Variants in EDA observed in about 807,000 individuals in gnomAD.
EDA encodes the protein ectodysplasin-A.
In EDA, 2 loss-of-function variants were observed where a neutral mutation model predicts 23.6. The observed-to-expected ratio is 0.08, with a 90% CI of 0.03 to 0.27. The LOEUF (loss-of-function observed/expected upper bound fraction) is 0.27. Ranked by LOEUF, EDA falls within the 10% of genes least tolerant of loss-of-function variation. The probability of loss-of-function intolerance (pLI) is 1.00; values close to 1 mark genes in which losing one functional copy is unlikely to be tolerated. For missense variants in EDA, 229 were observed against 324.2 expected (o/e 0.71, Z 2.26); for synonymous variants, 131 against 132.0 (o/e 0.99, Z 0.05).
chrX:69,752,685 C>T (rs1323117595), intron 1 of EDA, among the ~76,000 whole-genome samples: 1 of 111,512 alleles, frequency 9.0e-6, no homozygotes, highest in Non-Finnish European at 1.9e-5. Context: ...TGGTAGAATT[C>T]GGCTGTGAAT....
chrX:69,676,850 T>C (rs1240921762), intron 1 of EDA, among the ~76,000 whole-genome samples: 2 of 110,500 alleles, frequency 1.8e-5, no homozygotes, highest in African/African-American at 6.6e-5. Context: ...TATTACACTT[T>C]AAGTTTTAGG....
chrX:69,894,413 A>T (rs918146718), intron 1 of EDA, among the ~76,000 whole-genome samples: 2 of 111,682 alleles, frequency 1.8e-5, no homozygotes, highest in African/African-American at 6.5e-5. Context: ...CCAAACGAAT[A>T]TTTAAATTAT....
At chrX:69,768,286 A>AT (rs1195795290) in intron 1 of EDA, among the ~76,000 whole-genome samples, 2 of 111,644 alleles carry the variant, frequency 1.8e-5, no homozygotes, top group African/African-American at 6.5e-5. Flanking sequence ...GTACATTGAG[A>AT]TTTTCTTCTG....
chrX:69,977,031 G>T (rs192685378), intron 2 of EDA, among the ~76,000 whole-genome samples: 1 of 111,831 alleles, frequency 8.9e-6, no homozygotes. Flanking sequence ...TCAATGAAAT[G>T]AATCCTTCAT....
intron 1 of EDA, among the ~76,000 whole-genome samples, chrX:69,623,661 T>C (rs1932272679): frequency 9.6e-6 from 1 of 104,107 alleles, no homozygotes; most frequent in South Asian, 4.2e-4. Flanking sequence ...GGTATTTTCT[T>C]TTTTTTCTTT....
intron 1 of EDA, among the ~76,000 whole-genome samples, chrX:69,731,772 G>T (rs2013039051): frequency 9.0e-6 from 1 of 111,523 alleles, no homozygotes; most frequent in South Asian, 3.7e-4. Flanking sequence ...TACTATAAAT[G>T]TCCCCTAAGC....
rs1189179243 is a variant in EDA, at chrX:69,764,234, C to CTTTTTTTTTTTT, written c.396+147545_396+147556dup. 1.3e-4 allele frequency among the ~76,000 whole-genome samples: 6 copies of CTTTTTTTTTTTT among 44,569 alleles called. 1 individual carries two copies. The highest frequency in any genetic ancestry group is 3.0e-4 in the African/African-American group (3 of 10,145). 38.7% of individuals were successfully genotyped at this position (44,569 alleles called of 115,157 possible). A position where few individuals can be genotyped will look rare whatever the true frequency, so the allele number is the denominator to read the frequency against. ...CTACCACTCCCATTCATTTTTTATT[C>CTTTTTTTTTTTT]TTTTTTTTTTTTTTTTTTTTTTTTT... On this transcript the variant is annotated intron_variant, in intron 1 of 7. Transcript: ENST00000374552.
chrX:69,706,196 G>T (rs1047444236), intron 1 of EDA, among the ~76,000 whole-genome samples: 1 of 111,581 alleles, frequency 9.0e-6, no homozygotes, highest in Non-Finnish European at 1.9e-5. Flanking sequence ...GTTCAGAGTG[G>T]TTCCCATTAA....
chrX:69,788,856 C>T (rs1418620607), intron 1 of EDA, among the ~76,000 whole-genome samples: 1 of 113,271 alleles, frequency 8.8e-6, no homozygotes, highest in Non-Finnish European at 1.9e-5. Flanking sequence ...TTTACCTAAG[C>T]AAGCCTGGGC....
intron 1 of EDA, among the ~76,000 whole-genome samples, chrX:69,796,873 TATC>T (rs1404267410): frequency 9.0e-6 from 1 of 110,792 alleles, no homozygotes. Context: ...CAGAGATAGA[TATC>T]ATAAAAAAGA....
intron 1 of EDA, among the ~76,000 whole-genome samples, chrX:69,682,299 G>T (rs966460574): frequency 8.9e-6 from 1 of 112,629 alleles, no homozygotes; most frequent in Admixed American, 9.3e-5. Context: ...GCCCCCAGAG[G>T]TGGAGCCTAC....
At chrX:69,802,776 T>C (rs1053327206) in intron 1 of EDA, among the ~76,000 whole-genome samples, 1 of 111,681 alleles carries the variant, frequency 9.0e-6, no homozygotes, top group African/African-American at 3.2e-5. Flanking sequence ...GTCTGCACAG[T>C]TTTTCAGTTT....
chrX:69,785,703 TA>T (rs2015138216), intron 1 of EDA, among the ~76,000 whole-genome samples: 1 of 107,548 alleles, frequency 9.3e-6, no homozygotes, highest in Non-Finnish European at 2.0e-5. Flanking sequence ...GCCAGTATTT[TA>T]TTGAGGATTT....
rs5936720 is a variant in EDA at position 69,669,904 on chromosome X, A to C, written c.396+53200A>C. Among the ~76,000 whole-genome samples, 6,707 of 111,723 alleles carry C rather than the reference A, an allele frequency of 0.06. 206 individuals carry two copies. The highest frequency in any genetic ancestry group is 0.092 in the Middle Eastern group (20 of 217). ...GAGTTGTTCACTGTTTTGACTTATAACCATACTAGAGTTATGTATGATTTA... is the reference window on the plus strand; with the variant it reads ...GAGTTGTTCACTGTTTTGACTTATACCCATACTAGAGTTATGTATGATTTA... On this transcript the variant is annotated intron_variant, in intron 1 of 7. Transcript: ENST00000374552.
intron 4 of EDA, 117 bp from the exon 5 acceptor site, chrX:70,029,387 A>G: frequency 1.1e-6 from 1 of 877,710 alleles, no homozygotes; most frequent in Admixed American, 2.3e-5. Flanking sequence ...GCCCTGGAGA[A>G]TAAAGCTCAG....
chrX:69,926,703 G>A lies in EDA; in HGVS notation c.397-30324G>A, dbSNP rs192907371. 3.7e-3 allele frequency among the ~76,000 whole-genome samples: 411 copies of A among 111,594 alleles called. 1 individual carries two copies. The highest frequency in any genetic ancestry group is 0.013 in the African/African-American group (394 of 30,737). On this transcript the variant is annotated intron_variant, in intron 1 of 7. Coordinates refer to ENST00000374552, the MANE Select transcript of EDA (RefSeq NM_001399.5). ...TGTTCCAGAACTGAGTTCAAGTCCTGAATATTCTTGTTAATTTTTATCTCA... is the reference window on the plus strand; with the variant it reads ...TGTTCCAGAACTGAGTTCAAGTCCTAAATATTCTTGTTAATTTTTATCTCA...
At chrX:69,865,451 C>T (rs1443198828) in intron 1 of EDA, among the ~76,000 whole-genome samples, 2 of 111,055 alleles carry the variant, frequency 1.8e-5, no homozygotes, top group African/African-American at 6.6e-5. Flanking sequence ...AAGCATCCAG[C>T]ACGAGAGAAA....
At position 70,023,154 on chromosome X, in the gene EDA, T is replaced by C. The variant is rs181392040; in HGVS notation, c.503-64T>C. 292 of 804,629 alleles carry C rather than the reference T, an allele frequency of 3.6e-4. 2 individuals carry two copies. The African/African-American group carries it at 4.9e-3, about 14-fold the overall frequency. 66.3% of individuals were successfully genotyped at this position (804,629 alleles called of 1,213,427 possible). On this transcript the variant is annotated intron_variant, in intron 2 of 7. Transcript: ENST00000374552. The stretch of plus-strand genomic sequence containing the variant: ...TTGGGGATCCCTCCTAGTGACTATC[T>C]TAGAAAATAAACATTTTCTGTTCAT...
chrX:69,830,727 C>G (rs757697312), intron 1 of EDA, among the ~76,000 whole-genome samples: 103 of 112,080 alleles, frequency 9.2e-4, no homozygotes, highest in Non-Finnish European at 1.8e-3. Flanking sequence ...AATAAGCTTG[C>G]AGAAATGATT....
Sources: gnomAD v4.1 joint callset for allele counts (sites outside exome capture counted in the v4.1 genomes callset) on GRCh38, gnomAD v4.1.1 for gene constraint, MANE v1.5 for transcripts, NCBI Gene and HGNC (gene_info 2026-07-23, HGNC 2026-07-21) for gene names.